Variants in TMC5 observed in about 807,000 individuals in gnomAD.
The protein encoded by TMC5 is transmembrane channel-like protein 5.
TMC5 carries 86 observed loss-of-function variants against 110.5 expected under a neutral mutation model. The observed-to-expected ratio is 0.78, with a 90% CI of 0.65 to 0.93. The LOEUF (loss-of-function observed/expected upper bound fraction) is 0.93. Ranked by LOEUF, TMC5 falls within the 40% of genes least tolerant of loss-of-function variation. The pLI is 0.00. For missense variants in TMC5, 1,144 were observed against 1,222.8 expected (o/e 0.94, Z 0.96); for synonymous variants, 455 against 439.5 (o/e 1.04, Z -0.44).
chr16:19,484,593 C>T (rs775073682), intron 15 of TMC5, among the ~76,000 whole-genome samples: 11 of 152,020 alleles, frequency 7.2e-5, no homozygotes, highest in Non-Finnish European at 7.4e-5. Context: ...GAAACCCTGA[C>T]TCTACTAAAA....
At chr16:19,472,433 G>A (rs1229374299) in intron 11 of TMC5, among the ~76,000 whole-genome samples, 190 bp downstream of exon 11, 1 of 152,142 alleles carries the variant, frequency 6.6e-6, no homozygotes, top group Non-Finnish European at 1.5e-5. Context: ...CACTCTGGGA[G>A]GCCGAGGCAG....
Position 19,490,521 on chromosome 16 carries a change from C to T in TMC5, c.2700C>T (p.Asn900=). 1.2e-6 allele frequency: 2 copies of T among 1,614,080 alleles called. No individual in the cohort carries two copies. Among genetic ancestry groups the T allele is most frequent in the Non-Finnish European group, 1.7e-6 (2 of 1,180,038 alleles). The change falls in exon 18 of 22, where the codon AAC becomes AAT. Residue 900 remains asparagine (N), a synonymous_variant. Transcript: ENST00000542583. ...GYLWVVWIYR[N]LIGSVHFFFI... ...TGTGGGTTGTTTGGATCTATCGGAA[C>T]CTCATTGGAAGTGTGCACTTCTTTT...
At position 19,440,841 on chromosome 16, in the gene TMC5, A is replaced by G. The variant is rs1184588323; in HGVS notation, c.788+15A>G. 1.2e-6 allele frequency: 2 copies of G among 1,601,436 alleles called. No homozygotes were observed. Among genetic ancestry groups the G allele is most frequent in the Non-Finnish European group, 1.7e-6 (2 of 1,173,490 alleles). ...ATGACCAGGGGGTAAGTTCAGATATATATCCCTTCACTGGGAGTGGATGCT... is the reference window on the plus strand; with the variant it reads ...ATGACCAGGGGGTAAGTTCAGATATGTATCCCTTCACTGGGAGTGGATGCT... On this transcript the variant is annotated intron_variant, in intron 3 of 21. Coordinates refer to ENST00000542583, the MANE Select transcript of TMC5 (RefSeq NM_001261841.2).
intron 3 of TMC5, 82 bp downstream of exon 3, chr16:19,440,908 TTTAGATTAGGGA>T: frequency 1.4e-6 from 2 of 1,403,658 alleles, no homozygotes; most frequent in Non-Finnish European, 2.0e-6. Flanking sequence ...GTTGGTGTGG[TTTAGATTAGGGA>T]TATATATGAC....
intron 6 of TMC5, 39 bp downstream of exon 6, chr16:19,460,373 G>C: frequency 7.0e-7 from 1 of 1,422,126 alleles, no homozygotes; most frequent in Non-Finnish European, 9.8e-7. Flanking sequence ...CAGATTTCAT[G>C]CGAACCTCAA....
At chr16:19,410,543 A>C (rs995710547), upstream of TMC5, 4 of 152,210 alleles carry the variant, frequency 2.6e-5, no homozygotes. Flanking sequence ...GCCATCAGGT[A>C]AGGCTGGGTC....
At chr16:19,418,646 A>G (rs886179600) in intron 1 of TMC5, among the ~76,000 whole-genome samples, 2 of 151,938 alleles carry the variant, frequency 1.3e-5, no homozygotes, top group African/African-American at 4.8e-5. Flanking sequence ...TCAAGAAACA[A>G]TAACTTCTCA....
At chr16:19,463,711 C>G (rs1270905209) in intron 7 of TMC5, 65 bp from the exon 8 acceptor site, 1 of 1,566,964 alleles carries the variant, frequency 6.4e-7, no homozygotes, top group East Asian at 2.2e-5. Context: ...GTTATTATGG[C>G]ACCTGCTCAG....
chr16:19,441,866 C>T (rs7202048), intron 3 of TMC5, among the ~76,000 whole-genome samples: 6,474 of 152,198 alleles, frequency 0.043, 270 homozygotes, highest in African/African-American at 0.1. Flanking sequence ...TGCAATGGCA[C>T]GATCACAGCT....
At chr16:19,493,276 A>C (rs181510963) in intron 19 of TMC5, among the ~76,000 whole-genome samples, 1 of 151,762 alleles carries the variant, frequency 6.6e-6, no homozygotes, top group Non-Finnish European at 1.5e-5. Flanking sequence ...AAAGACTTTT[A>C]AAAATAACTA....
Position 19,463,334 on chromosome 16 carries a change from T to A in TMC5, c.1203T>A (p.Asn401Lys), listed in dbSNP as rs1968077077. Reference protein sequence around the residue: ...SKQTHRILQLNCCIQCLNSIS... With the variant: ...SKQTHRILQLKCCIQCLNSIS... ...AGACCCATCGTATCCTTCAGCTCAA[T>A]TGCTGTATTCAGTGTCTGAACTCCA... Residue 401 changes from asparagine (N) to lysine (K), a missense_variant, in exon 7 of 22, where the codon AAT becomes AAA. Coordinates refer to ENST00000542583, the MANE Select transcript of TMC5 (RefSeq NM_001261841.2). 3 of 1,614,012 alleles carry A rather than the reference T, an allele frequency of 1.9e-6. No individual in the cohort carries two copies. Among genetic ancestry groups the A allele is most frequent in the Admixed American group, 1.7e-5 (1 of 59,996 alleles).
chr16:19,484,014 G>A (rs1298115028), intron 15 of TMC5, among the ~76,000 whole-genome samples: 4 of 150,246 alleles, frequency 2.7e-5, no homozygotes, highest in African/African-American at 9.8e-5. Context: ...CCCGGGAGGT[G>A]GAGGCTGCAG....
intron 15 of TMC5, among the ~76,000 whole-genome samples, chr16:19,483,779 A>T (rs1461445831): frequency 6.7e-6 from 1 of 149,256 alleles, no homozygotes; most frequent in Non-Finnish European, 1.5e-5. Flanking sequence ...ACTCTGTCTC[A>T]AAAAGAAAAG....
chr16:19,438,407 AAGAAG>A (rs1281654533), intron 2 of TMC5, among the ~76,000 whole-genome samples: 2 of 71,490 alleles, frequency 2.8e-5, no homozygotes, highest in African/African-American at 6.1e-5. Flanking sequence ...AAAAAAAAAA[AAGAAG>A]AAAGAAAAGA....
At position 19,497,151 on chromosome 16, in the gene TMC5, G is replaced by T. The variant is rs1189300773; in HGVS notation, c.2962G>T (p.Asp988Tyr). The change falls in exon 21 of 22, where the codon GAT becomes TAT. Residue 988 changes from aspartate (D) to tyrosine (Y), a missense_variant. Coordinates refer to ENST00000542583, the MANE Select transcript of TMC5 (RefSeq NM_001261841.2). ...QQGFLHLGEH[D>Y]GSLDLRSRRS... ...AGGCTTTTTGCATTTGGGGGAACAT[G>T]ATGGCAGTCTTGGTGAGTAATTAAA... is the stretch of plus-strand genomic sequence containing the variant. 6.2e-7 allele frequency: 1 copy of T among 1,614,030 alleles called. No homozygotes were observed.
At chr16:19,443,736 G>A (rs768618497) in intron 3 of TMC5, among the ~76,000 whole-genome samples, 24 of 152,162 alleles carry the variant, frequency 1.6e-4, no homozygotes, top group African/African-American at 3.4e-4. Flanking sequence ...ATACATGGAC[G>A]GATAGATGGA....
chr16:19,487,459 T>A (rs1279962733), intron 17 of TMC5, 133 bp downstream of exon 17: 6 of 1,230,412 alleles, frequency 4.9e-6, no homozygotes, highest in Non-Finnish European at 6.6e-6. Flanking sequence ...CCCGGCACTA[T>A]GGGAGGCCAA....
intron 1 of TMC5, among the ~76,000 whole-genome samples, chr16:19,419,410 T>TG (rs1326764190): frequency 6.3e-5 from 8 of 126,612 alleles, no homozygotes; most frequent in African/African-American, 2.4e-4. Context: ...TGGTTTTTTT[T>TG]TTTTTTTTTT....
chr16:19,421,718 T>C (rs965240698), intron 1 of TMC5, among the ~76,000 whole-genome samples: 1 of 152,180 alleles, frequency 6.6e-6, no homozygotes, highest in South Asian at 2.1e-4. Context: ...CCAAGCTTGA[T>C]GTCATACTTA....
Sources: allele counts gnomAD v4.1 joint callset (sites outside exome capture counted in the v4.1 genomes callset), GRCh38; gene constraint gnomAD v4.1.1; transcripts MANE v1.5; gene names NCBI Gene and HGNC (gene_info 2026-07-23, HGNC 2026-07-21).